The following SLC2A13 variants were observed in gnomAD, a reference collection of about 807,000 sequenced individuals.
SLC2A13 encodes proton myo-inositol cotransporter.
Under a neutral mutation model 64.4 loss-of-function variants are expected in SLC2A13, and 32 were observed. The observed-to-expected ratio is 0.50, with a 90% confidence interval of 0.37 to 0.67. The LOEUF is 0.67. Ranked by LOEUF, SLC2A13 falls within the 30% of genes least tolerant of loss-of-function variation. The pLI is 0.00. For missense variants in SLC2A13, 743 were observed against 829.2 expected, an observed-to-expected ratio of 0.90 and a Z score of 1.28; for synonymous variants, 338 against 327.1, an observed-to-expected ratio of 1.03 and a Z score of -0.36.
At chr12:39,958,816 C>A (rs1477046437) in intron 3 of SLC2A13, among the ~76,000 whole-genome samples, 6 of 151,968 alleles carry the variant, frequency 3.9e-5, no homozygotes, top group Non-Finnish European at 7.4e-5. Context: ...CCCATCCTTG[C>A]AATTCTGAAG....
intron 3 of SLC2A13, among the ~76,000 whole-genome samples, chr12:39,962,252 A>G (rs1208962567): frequency 6.6e-6 from 1 of 152,082 alleles, no homozygotes; most frequent in Non-Finnish European, 1.5e-5. Context: ...CACCATGCCC[A>G]GCTAATTTTT....
intron 7 of SLC2A13, among the ~76,000 whole-genome samples, chr12:39,807,282 T>A (rs1010040052): frequency 6.6e-6 from 1 of 152,156 alleles, no homozygotes; most frequent in East Asian, 1.9e-4. Context: ...ATATCTTGAC[T>A]GTACTGGTGG....
At chr12:40,074,647 C>T (rs1209526519) in intron 1 of SLC2A13, among the ~76,000 whole-genome samples, 1 of 152,158 alleles carries the variant, frequency 6.6e-6, no homozygotes, top group Non-Finnish European at 1.5e-5. Flanking sequence ...TCCAGAACCC[C>T]TGACATATCT....
intron 3 of SLC2A13, among the ~76,000 whole-genome samples, chr12:40,013,452 A>G (rs1414281051): frequency 6.6e-6 from 1 of 152,234 alleles, no homozygotes; most frequent in East Asian, 1.9e-4. Context: ...CATGCTACAG[A>G]AGAGGAAACA....
chr12:39,773,522 A>G (rs1190125517), intron 7 of SLC2A13, among the ~76,000 whole-genome samples: 1 of 152,218 alleles, frequency 6.6e-6, no homozygotes, highest in Non-Finnish European at 1.5e-5. Context: ...TCTGCCTTTT[A>G]AAATGTTACC....
At chr12:39,820,717 TTATATATA>T (rs11272834) in intron 7 of SLC2A13, among the ~76,000 whole-genome samples, 129 of 132,430 alleles carry the variant, frequency 9.7e-4, no homozygotes, top group South Asian at 1.9e-3. Context: ...ATTTTTAAAT[TTATATATA>T]TATATATATA....
At chr12:39,868,599 C>T (rs992816109) in intron 5 of SLC2A13, among the ~76,000 whole-genome samples, 5 of 152,038 alleles carry the variant, frequency 3.3e-5, no homozygotes, top group South Asian at 2.1e-4. Flanking sequence ...TGATGAAGAC[C>T]GTCTGTGAGT....
chr12:39,822,830 T>C (rs1942561696), intron 7 of SLC2A13, among the ~76,000 whole-genome samples: 1 of 152,254 alleles, frequency 6.6e-6, no homozygotes, highest in African/African-American at 2.4e-5. Flanking sequence ...ATATTATGAA[T>C]ATCGCTACTT....
chr12:39,960,501 T>A (rs1243114075), intron 3 of SLC2A13, among the ~76,000 whole-genome samples: 1 of 152,084 alleles, frequency 6.6e-6, no homozygotes, highest in Non-Finnish European at 1.5e-5. Flanking sequence ...TGCCTCGGCC[T>A]CCTGAGTAGC....
intron 2 of SLC2A13, among the ~76,000 whole-genome samples, chr12:40,046,914 T>A (rs1264636589): frequency 6.6e-6 from 1 of 151,964 alleles, no homozygotes; most frequent in East Asian, 1.9e-4. Flanking sequence ...TTCTTTTTTT[T>A]TTTTTGAGAT....
intron 1 of SLC2A13, among the ~76,000 whole-genome samples, chr12:40,088,742 A>C (rs1346020495): frequency 6.6e-6 from 1 of 152,232 alleles, no homozygotes. Flanking sequence ...GTAGCAGGGG[A>C]GACACAAAAG....
chr12:39,996,642 C>G (rs1423976834), intron 3 of SLC2A13, among the ~76,000 whole-genome samples: 2 of 152,192 alleles, frequency 1.3e-5, no homozygotes, highest in African/African-American at 4.8e-5. Context: ...TGTATTCCAG[C>G]TGCTTCAGCC....
chr12:39,826,235 CTAAA>C (rs1321143293), intron 7 of SLC2A13, among the ~76,000 whole-genome samples: 1 of 151,888 alleles, frequency 6.6e-6, no homozygotes, highest in Admixed American at 6.6e-5. Flanking sequence ...TGTAAATTTT[CTAAA>C]TAGTCTCTGC....
intron 2 of SLC2A13, among the ~76,000 whole-genome samples, chr12:40,031,059 C>A (rs771630189): frequency 6.6e-6 from 1 of 152,066 alleles, no homozygotes; most frequent in African/African-American, 2.4e-5. Context: ...TTACCTTTCA[C>A]GATGAAAATA....
intron 4 of SLC2A13, among the ~76,000 whole-genome samples, chr12:39,901,095 T>C (rs962128074): frequency 5.9e-5 from 9 of 152,176 alleles, no homozygotes; most frequent in African/African-American, 2.2e-4. Context: ...GGGAAAGGAT[T>C]CCCTATTTAA....
chr12:39,976,283 A>G (rs928807179), intron 3 of SLC2A13, among the ~76,000 whole-genome samples: 5 of 152,212 alleles, frequency 3.3e-5, no homozygotes, highest in Non-Finnish European at 7.3e-5. Flanking sequence ...CATCAGCACC[A>G]GGACTCTGTA....
intron 6 of SLC2A13, among the ~76,000 whole-genome samples, chr12:39,856,261 T>TCATC (rs1434896386): frequency 2.0e-5 from 3 of 151,980 alleles, no homozygotes; most frequent in Admixed American, 2.0e-4. Context: ...ATCCATCCAT[T>TCATC]CATCCATCCA....
chr12:40,096,213 G>A (rs1276845759), intron 1 of SLC2A13, among the ~76,000 whole-genome samples: 1 of 151,932 alleles, frequency 6.6e-6, no homozygotes, highest in Non-Finnish European at 1.5e-5. Flanking sequence ...ACAGGCATGA[G>A]CCACCGCACC....
At chr12:39,830,610 A>G in intron 6 of SLC2A13, 1 of 368,422 alleles carries the variant, frequency 2.7e-6, no homozygotes, top group Non-Finnish European at 3.8e-6. Context: ...GTTGCATCAA[A>G]GCATTCATTT....
Sources: allele counts gnomAD v4.1 joint callset (sites outside exome capture counted in the v4.1 genomes callset), GRCh38; gene constraint gnomAD v4.1.1; transcripts MANE v1.5; gene names NCBI Gene and HGNC (gene_info 2026-07-23, HGNC 2026-07-21).